The following DPP10 variants were observed in gnomAD, a reference collection of about 807,000 sequenced individuals.
DPP10 encodes the protein dipeptidyl peptidase like 10, also known as inactive dipeptidyl peptidase 10.
In DPP10, 33 loss-of-function variants were observed where a neutral mutation model predicts 120.9. That is an observed-to-expected ratio of 0.27 (90% confidence interval 0.21 to 0.37). The LOEUF is 0.37. Ranked by LOEUF, DPP10 falls within the 10% of genes least tolerant of loss-of-function variation. DPP10 has a pLI of 1.00. For synonymous variants in DPP10, 337 were observed against 326.1 expected (o/e 1.03, Z -0.36); for missense variants, 816 against 942.8 (o/e 0.87, Z 1.76).
At chr2:114,607,830 G>T (rs767369871) in intron 1 of DPP10, among the ~76,000 whole-genome samples, 1 of 152,196 alleles carries the variant, frequency 6.6e-6, no homozygotes, top group Non-Finnish European at 1.5e-5. Context: ...GTTTGGACAC[G>T]AAGTCAGTCT....
intron 11 of DPP10, among the ~76,000 whole-genome samples, chr2:115,754,166 C>G (rs1412506993): frequency 6.6e-6 from 1 of 152,002 alleles, no homozygotes; most frequent in Non-Finnish European, 1.5e-5. Context: ...GGAGCCCAAG[C>G]AAAGCAAAAA....
intron 1 of DPP10, among the ~76,000 whole-genome samples, chr2:114,632,032 T>C (rs1358657376): frequency 1.3e-5 from 2 of 152,210 alleles, no homozygotes; most frequent in African/African-American, 4.8e-5. Flanking sequence ...TGGTTGATTG[T>C]TTCATCTTGT....
intron 3 of DPP10, among the ~76,000 whole-genome samples, chr2:115,439,351 G>A (rs924122354): frequency 3.3e-5 from 5 of 152,170 alleles, no homozygotes; most frequent in Admixed American, 6.6e-5. Flanking sequence ...TAATGAGTAC[G>A]AAATTTCAGT....
chr2:115,171,068 A>G (rs536251098), intron 1 of DPP10, among the ~76,000 whole-genome samples: 124 of 152,190 alleles, frequency 8.1e-4, no homozygotes, highest in African/African-American at 2.9e-3. Context: ...GAGAAAGAAT[A>G]CTTTGATATT....
At chr2:114,908,455 T>C (rs554570007) in intron 1 of DPP10, among the ~76,000 whole-genome samples, 1 of 151,978 alleles carries the variant, frequency 6.6e-6, no homozygotes, top group Non-Finnish European at 1.5e-5. Context: ...TTTTAGTTAC[T>C]TGCTTAGTGG....
chr2:114,534,653 C>T (rs1309870581), intron 1 of DPP10, among the ~76,000 whole-genome samples: 2 of 152,072 alleles, frequency 1.3e-5, no homozygotes, highest in African/African-American at 2.4e-5. Flanking sequence ...AGTATGGTGC[C>T]CACACCCTCA....
intron 1 of DPP10, among the ~76,000 whole-genome samples, chr2:114,782,689 A>G (rs556725511): frequency 1.3e-3 from 191 of 152,254 alleles, no homozygotes; most frequent in Non-Finnish European, 2.2e-3. Context: ...AGATTATGCA[A>G]AAGTAAGTAA....
At chr2:114,596,124 T>C (rs1369494438) in intron 1 of DPP10, among the ~76,000 whole-genome samples, 1 of 144,472 alleles carries the variant, frequency 6.9e-6, no homozygotes, top group Non-Finnish European at 1.5e-5. Flanking sequence ...AAAAATTACT[T>C]GTGAATCAAA....
chr2:115,396,988 C>G (rs1045967521), intron 3 of DPP10, among the ~76,000 whole-genome samples: 1 of 152,102 alleles, frequency 6.6e-6, no homozygotes, highest in African/African-American at 2.4e-5. Flanking sequence ...GAAGTATTAT[C>G]CCATCTATTG....
chr2:114,626,974 T>C (rs1035523672), intron 1 of DPP10, among the ~76,000 whole-genome samples: 1 of 152,114 alleles, frequency 6.6e-6, no homozygotes, highest in African/African-American at 2.4e-5. Context: ...GACCTTAATT[T>C]AATTAGTCTG....
chr2:115,452,367 T>C (rs547856235), intron 3 of DPP10, among the ~76,000 whole-genome samples: 21 of 152,018 alleles, frequency 1.4e-4, no homozygotes, highest in African/African-American at 4.8e-4. Context: ...ATTGGTTAAA[T>C]AGGGGCTGTG....
intron 3 of DPP10, among the ~76,000 whole-genome samples, chr2:115,347,749 T>TC (rs1231685826): frequency 6.6e-6 from 1 of 152,110 alleles, no homozygotes; most frequent in Non-Finnish European, 1.5e-5. Context: ...TTTCTGTCCT[T>TC]GCGATAGTTT....
chr2:115,561,015 C>T (rs1575180568), intron 5 of DPP10, among the ~76,000 whole-genome samples: 1 of 151,970 alleles, frequency 6.6e-6, no homozygotes, highest in African/African-American at 2.4e-5. Flanking sequence ...TGGAAGCTAG[C>T]CCATTACCTA....
chr2:114,707,551 T>C (rs867073196), intron 1 of DPP10, among the ~76,000 whole-genome samples: 56 of 152,318 alleles, frequency 3.7e-4, no homozygotes, highest in Middle Eastern at 6.8e-3. Context: ...TTGGAGGCCA[T>C]TGGTTTCATG....
In DPP10 at chr2:114,503,708, A is replaced by G. The variant is rs137952870; in HGVS notation, c.60+60870A>G. Among the ~76,000 whole-genome samples the G allele has an allele frequency of 4.5e-4, 68 of 152,338 alleles. 1 individual carries two copies. The highest frequency in any genetic ancestry group is 1.6e-3 in the African/African-American group (67 of 41,580). On this transcript the variant is annotated intron_variant, in intron 1 of 25. Coordinates refer to ENST00000410059, the MANE Select transcript of DPP10 (RefSeq NM_020868.6). ...ACAAGTGAAACTGTCACATAGAAAC[A>G]TGAACTCTGGTTGGGACAATCTCAA...
At chr2:114,993,311 C>G (rs1368571301) in intron 1 of DPP10, among the ~76,000 whole-genome samples, 1 of 151,444 alleles carries the variant, frequency 6.6e-6, no homozygotes, top group African/African-American at 2.4e-5. Context: ...CTGTGACTTA[C>G]TTGTCATTGC....
At chr2:115,817,701 A>G (rs1322429288) in intron 21 of DPP10, among the ~76,000 whole-genome samples, 1 of 151,988 alleles carries the variant, frequency 6.6e-6, no homozygotes, top group Non-Finnish European at 1.5e-5. Flanking sequence ...AAAGGAAAAC[A>G]TCTAAGAAAG....
chr2:114,812,552 C>T (rs1467267973), intron 1 of DPP10, among the ~76,000 whole-genome samples: 1 of 149,140 alleles, frequency 6.7e-6, no homozygotes. Context: ...TGCATCACTG[C>T]ACTCCAGCCT....
intron 1 of DPP10, among the ~76,000 whole-genome samples, chr2:114,585,995 C>T (rs1690949308): frequency 6.6e-6 from 1 of 152,134 alleles, no homozygotes. Context: ...CACCTGTAAT[C>T]CCAGCCCTTT....
Sources: allele counts gnomAD v4.1 joint callset (sites outside exome capture counted in the v4.1 genomes callset), GRCh38; gene constraint gnomAD v4.1.1; transcripts MANE v1.5; gene names NCBI Gene and HGNC (gene_info 2026-07-23, HGNC 2026-07-21).